WDR70: variants seen among roughly 807,000 people sequenced by gnomAD.
WDR70 encodes the protein WD repeat domain 70, also known as WD repeat-containing protein 70.
Under a neutral mutation model 88.6 loss-of-function variants are expected in WDR70, and 53 were observed. The ratio of observed to expected loss-of-function variants is 0.60; its 90% CI spans 0.48 to 0.75. WDR70 has a LOEUF of 0.75. WDR70 is among the 30% of genes least tolerant of loss of function. WDR70 has a pLI of 0.00. For missense variants in WDR70, 610 were observed against 823.2 expected (o/e 0.74, Z 3.17); for synonymous variants, 280 against 270.0 (o/e 1.04, Z -0.36).
chr5:37,652,515 A>C (rs906535610), intron 10 of WDR70, among the ~76,000 whole-genome samples: 3 of 152,334 alleles, frequency 2.0e-5, no homozygotes, highest in African/African-American at 7.2e-5. Context: ...CATTGAATCT[A>C]TAAATTACCT....
intron 5 of WDR70, among the ~76,000 whole-genome samples, chr5:37,432,031 C>T (rs1411977981): frequency 1.3e-5 from 2 of 152,206 alleles, no homozygotes; most frequent in Non-Finnish European, 2.9e-5. Flanking sequence ...ACAAATAGCT[C>T]TTCAAGACTC....
intron 10 of WDR70, among the ~76,000 whole-genome samples, chr5:37,643,842 G>A (rs1745165073): frequency 1.3e-5 from 2 of 151,974 alleles, no homozygotes; most frequent in Non-Finnish European, 2.9e-5. Flanking sequence ...TTTGTATCTT[G>A]CAAGTTTACT....
chr5:37,500,139 C>T (rs1740360952), intron 8 of WDR70, among the ~76,000 whole-genome samples: 1 of 152,058 alleles, frequency 6.6e-6, no homozygotes, highest in Non-Finnish European at 1.5e-5. Context: ...CTGTATATAC[C>T]TTTGTGTACC....
Position 37,743,290 on chromosome 5 carries a change from C to T in WDR70, c.1878-9196C>T, listed in dbSNP as rs566892995. Among the ~76,000 whole-genome samples, 46 of 152,354 alleles carry T rather than the reference C, an allele frequency of 3.0e-4. 1 individual carries two copies. In the East Asian group the frequency reaches 8.1e-3, roughly 27 times the overall value. On this transcript the variant is annotated intron_variant, in intron 17 of 17. Coordinates refer to ENST00000265107, the MANE Select transcript of WDR70 (RefSeq NM_018034.4). Reference sequence around the variant, plus strand: ...TGCTTTTCCCATGGAACTGTGCAACCCACGGATCAGAAGATCCCACTTGCA... The same window carrying T: ...TGCTTTTCCCATGGAACTGTGCAACTCACGGATCAGAAGATCCCACTTGCA...
chr5:37,505,657 C>T, intron 8 of WDR70: 1 of 803,044 alleles, frequency 1.2e-6, no homozygotes, highest in South Asian at 1.4e-5. Context: ...ATGTTTTCAT[C>T]TTGTACATCT....
chr5:37,501,200 C>A (rs1311931706), intron 8 of WDR70, among the ~76,000 whole-genome samples: 1 of 151,926 alleles, frequency 6.6e-6, no homozygotes, highest in Non-Finnish European at 1.5e-5. Flanking sequence ...TTTTCCCATT[C>A]TGTGGGTTGT....
intron 8 of WDR70, among the ~76,000 whole-genome samples, chr5:37,511,867 C>T (rs1740732247): frequency 6.6e-6 from 1 of 152,168 alleles, no homozygotes; most frequent in African/African-American, 2.4e-5. Context: ...ATTGCTAATG[C>T]ATACCACTGC....
chr5:37,418,391 C>T (rs1156860919), intron 5 of WDR70, among the ~76,000 whole-genome samples: 1 of 152,266 alleles, frequency 6.6e-6, no homozygotes, highest in East Asian at 1.9e-4. Flanking sequence ...GTGATCTCGG[C>T]TCACTGCAAG....
intron 10 of WDR70, among the ~76,000 whole-genome samples, chr5:37,676,876 G>T (rs1746241349): frequency 1.3e-5 from 2 of 152,084 alleles, no homozygotes. Flanking sequence ...GACTCTTTTT[G>T]GTTGGTAAGC....
At chr5:37,735,941 T>TAAA (rs1255833845) in intron 17 of WDR70, among the ~76,000 whole-genome samples, 1 of 152,152 alleles carries the variant, frequency 6.6e-6, no homozygotes, top group Non-Finnish European at 1.5e-5. Flanking sequence ...AAAGAGTCTT[T>TAAA]AAAGAGTTTA....
At chr5:37,437,877 A>G in intron 5 of WDR70, 45 bp from the exon 6 acceptor site, 19 of 1,565,766 alleles carry the variant, frequency 1.2e-5, no homozygotes, top group Non-Finnish European at 1.7e-5. Flanking sequence ...GTTCCCCACA[A>G]ATATGTTATT....
chr5:37,644,178 AG>A (rs1745175523), intron 10 of WDR70, among the ~76,000 whole-genome samples: 2 of 152,032 alleles, frequency 1.3e-5, no homozygotes, highest in African/African-American at 4.8e-5. Flanking sequence ...AGTTTTTTGG[AG>A]GGTTCATATC....
intron 10 of WDR70, among the ~76,000 whole-genome samples, chr5:37,665,967 C>T (rs183158824): frequency 2.0e-5 from 3 of 152,192 alleles, no homozygotes; most frequent in African/African-American, 4.8e-5. Flanking sequence ...TGGCTGCCAG[C>T]GTTCACAGAC....
At chr5:37,581,456 G>T (rs1478355053) in intron 9 of WDR70, among the ~76,000 whole-genome samples, 3 of 152,088 alleles carry the variant, frequency 2.0e-5, no homozygotes, top group African/African-American at 7.2e-5. Context: ...TTAAAAACAG[G>T]CAAAATGACT....
intron 9 of WDR70, among the ~76,000 whole-genome samples, chr5:37,550,584 A>G (rs943961280): frequency 6.6e-6 from 1 of 152,116 alleles, no homozygotes. Context: ...TTCCATTGGC[A>G]TGGAATATCT....
chr5:37,634,304 A>AG (rs1581452379), intron 10 of WDR70, among the ~76,000 whole-genome samples: 3 of 151,356 alleles, frequency 2.0e-5, no homozygotes, highest in South Asian at 2.1e-4. Context: ...GTCTCAAAAA[A>AG]AAAAAAAGAA....
At chr5:37,526,216 T>C (rs1741265925) in intron 9 of WDR70, among the ~76,000 whole-genome samples, 1 of 152,024 alleles carries the variant, frequency 6.6e-6, no homozygotes, top group African/African-American at 2.4e-5. Flanking sequence ...CTGATGAACA[T>C]CAATGCAAAA....
chr5:37,691,901 C>G (rs568477020), intron 10 of WDR70, among the ~76,000 whole-genome samples: 1 of 151,978 alleles, frequency 6.6e-6, no homozygotes, highest in Non-Finnish European at 1.5e-5. Flanking sequence ...CCTTCAAAAA[C>G]ACAATGAATC....
chr5:37,549,966 A>G (rs1742097132), intron 9 of WDR70, among the ~76,000 whole-genome samples: 1 of 151,690 alleles, frequency 6.6e-6, no homozygotes, highest in African/African-American at 2.4e-5. Flanking sequence ...GGTTCAAGTG[A>G]TTCTGGTGTC....
Sources: allele counts gnomAD v4.1 joint callset (sites outside exome capture counted in the v4.1 genomes callset), GRCh38; gene constraint gnomAD v4.1.1; transcripts MANE v1.5; gene names NCBI Gene and HGNC (gene_info 2026-07-23, HGNC 2026-07-21).